Variants in ANO1 observed in about 807,000 individuals in gnomAD.
ANO1 encodes the protein anoctamin-1.
ANO1 carries 59 observed loss-of-function variants against 124.0 expected under a neutral mutation model. The observed-to-expected ratio is 0.48, with a 90% CI of 0.39 to 0.59. The LOEUF (loss-of-function observed/expected upper bound fraction) is 0.59, where lower values mean the gene tolerates loss of function less well. Among genes scored for constraint, ANO1 ranks in the 20% least tolerant of loss-of-function variants. ANO1 has a pLI of 0.00. For synonymous variants in ANO1, 529 were observed against 532.0 expected, an observed-to-expected ratio of 0.99 and a Z score of 0.08; for missense variants, 1,059 against 1,328.0, an observed-to-expected ratio of 0.80 and a Z score of 3.15.
At chr11:70,135,732 G>A (rs908873656) in intron 11 of ANO1, among the ~76,000 whole-genome samples, 1 of 152,214 alleles carries the variant, frequency 6.6e-6, no homozygotes, top group Non-Finnish European at 1.5e-5. Context: ...CATTCCCAGG[G>A]GAAGGGAGGA....
intron 1 of ANO1, among the ~76,000 whole-genome samples, chr11:70,036,446 C>T (rs539031186): frequency 9.0e-4 from 137 of 152,224 alleles, no homozygotes; most frequent in African/African-American, 3.2e-3. Context: ...GAGGTTAGGG[C>T]ATAGGCTCAG....
At chr11:70,074,833 G>C (rs1034250850), upstream of ANO1, 1 of 152,244 alleles carries the variant, frequency 6.6e-6, no homozygotes, top group Non-Finnish European at 1.5e-5. Context: ...CCACCACAGA[G>C]GATGATCCAG....
intron 5 of ANO1, among the ~76,000 whole-genome samples, chr11:70,107,041 G>A (rs1940240): frequency 0.78 from 118,489 of 152,090 alleles, 46,755 homozygotes; most frequent in Non-Finnish European, 0.84. Context: ...TGGTGGATGA[G>A]GGCTGGTGGC....
At chr11:70,009,904 G>C (rs1293767581) in intron 1 of ANO1, among the ~76,000 whole-genome samples, 3 of 151,960 alleles carry the variant, frequency 2.0e-5, no homozygotes, top group Non-Finnish European at 2.9e-5. Flanking sequence ...CCAATGTGTA[G>C]TCTTTTATCC....
chr11:70,025,982 GGTA>G (rs1454211776), intron 1 of ANO1, among the ~76,000 whole-genome samples: 19 of 147,086 alleles, frequency 1.3e-4, no homozygotes, highest in African/African-American at 4.4e-4. Context: ...TGACGATGGT[GGTA>G]GTGGTGGTGA....
chr11:69,966,816 T>C, the ANO1 span, among the ~76,000 whole-genome samples: 4 of 152,252 alleles, frequency 2.6e-5, no homozygotes, highest in South Asian at 2.1e-4. Flanking sequence ...GCCCAGTTGA[T>C]TGAGGGCAAG....
chr11:70,141,822 T>C (rs1311813179), intron 11 of ANO1: 3 of 152,264 alleles, frequency 2.0e-5, no homozygotes, highest in Non-Finnish European at 4.4e-5. Flanking sequence ...TGTCCTTTCT[T>C]TTCCGGCCTC....
upstream of ANO1, among the ~76,000 whole-genome samples, chr11:70,076,270 G>A (rs1263463573): frequency 6.6e-6 from 1 of 152,188 alleles, no homozygotes; most frequent in Non-Finnish European, 1.5e-5. Flanking sequence ...CTTGAGTAAA[G>A]CCGCAAGGGG....
intron 1 of ANO1, among the ~76,000 whole-genome samples, chr11:70,034,604 G>A (rs782442536): frequency 1.3e-5 from 2 of 152,136 alleles, no homozygotes; most frequent in Non-Finnish European, 2.9e-5. Context: ...TGTTGTAGCC[G>A]CAAGCTTGGA....
chr11:70,073,571 A>T (rs2044014736), upstream of ANO1, among the ~76,000 whole-genome samples: 1 of 152,080 alleles, frequency 6.6e-6, no homozygotes, highest in African/African-American at 2.4e-5. Context: ...AGCCCAAAAA[A>T]CTGAGGATGG....
intron 1 of ANO1, among the ~76,000 whole-genome samples, chr11:69,990,307 G>T (rs1856129209): frequency 1.3e-5 from 2 of 152,206 alleles, no homozygotes; most frequent in Non-Finnish European, 2.9e-5. Context: ...AGGCATCCGT[G>T]TTGTAGCATA....
chr11:70,126,711 G>A (rs1052874568), intron 10 of ANO1, among the ~76,000 whole-genome samples: 4 of 151,842 alleles, frequency 2.6e-5, no homozygotes, highest in African/African-American at 7.3e-5. Flanking sequence ...GGATGCCAGA[G>A]GCCTCGGTGC....
At chr11:70,098,853 G>A (rs1565197414) in intron 2 of ANO1, among the ~76,000 whole-genome samples, 1 of 152,144 alleles carries the variant, frequency 6.6e-6, no homozygotes, top group South Asian at 2.1e-4. Context: ...TATCCACCAT[G>A]GGGACTCACT....
intron 16 of ANO1, 78 bp downstream of exon 16, chr11:70,157,099 G>A: frequency 7.5e-7 from 1 of 1,326,948 alleles, no homozygotes; most frequent in Non-Finnish European, 1.1e-6. Context: ...GGGCGTGGTG[G>A]TTCACGACTG....
chr11:69,999,017 GA>G lies in ANO1; in HGVS notation c.58+12852del, dbSNP rs1396827026. Among the ~76,000 whole-genome samples, 12 of 137,156 alleles carry G rather than the reference GA, an allele frequency of 8.7e-5. 1 individual carries two copies. Among genetic ancestry groups the G allele is most frequent in the African/African-American group, 3.2e-4 (12 of 37,418 alleles). 90.0% of individuals were successfully genotyped at this position (137,156 alleles called of 152,430 possible). On this transcript the variant is annotated intron_variant, in intron 1 of 27. Transcript: ENST00000531349. ...CTACTGCACTCCAGCCTGGGTGACA[GA>G]GTGAGACTGTCTCAAAAAAAAAAAA...
intron 1 of ANO1, among the ~76,000 whole-genome samples, chr11:70,002,049 A>G (rs1263124916): frequency 6.6e-6 from 1 of 152,154 alleles, no homozygotes; most frequent in African/African-American, 2.4e-5. Flanking sequence ...GTGGTCCCAA[A>G]CCGTCCCATA....
intron 25 of ANO1, among the ~76,000 whole-genome samples, chr11:70,187,084 C>T (rs1276760618): frequency 6.6e-6 from 1 of 152,112 alleles, no homozygotes; most frequent in Non-Finnish European, 1.5e-5. Flanking sequence ...TGGGATGGGG[C>T]ATAAGTTCTG....
At position 70,161,169 on chromosome 11, in the gene ANO1, G is replaced by A; in HGVS notation, c.1587G>A (p.Val529=). The change falls in exon 17 of 26, where the codon GTG becomes GTA. Residue 529 remains valine (V), a synonymous_variant. Coordinates refer to ENST00000355303, the MANE Select transcript of ANO1 (RefSeq NM_018043.7). ...NLVSIIFMIA[V]TFAIVLGVII... The stretch of plus-strand genomic sequence containing the variant: ...CCCTTTCCCCCCTGCAGATTGCAGT[G>A]ACGTTTGCCATCGTCCTCGGCGTCA... The A allele has an allele frequency of 6.2e-7, 1 of 1,613,586 alleles. No individual in the cohort carries two copies. Among genetic ancestry groups the A allele is most frequent in the Non-Finnish European group, 8.5e-7 (1 of 1,179,842 alleles).
chr11:69,986,047 G>A (rs782172684), exon 1 of ANO1: 1 of 152,178 alleles, frequency 6.6e-6, no homozygotes, highest in Non-Finnish European at 1.5e-5. Flanking sequence ...GGGTGACTTC[G>A]TCGCTCCCTA....
Sources: gnomAD v4.1 joint callset for allele counts (sites outside exome capture counted in the v4.1 genomes callset) on GRCh38, gnomAD v4.1.1 for gene constraint, MANE v1.5 for transcripts, NCBI Gene and HGNC (gene_info 2026-07-23, HGNC 2026-07-21) for gene names.